Variants in C11orf54 observed in about 807,000 individuals in gnomAD.
The protein encoded by C11orf54 is beta-keto L-gulonate decarboxylase.
A neutral mutation model predicts 35.5 loss-of-function variants in C11orf54; 29 were observed. The ratio of observed to expected loss-of-function variants is 0.82; its 90% CI spans 0.61 to 1.11. The LOEUF (loss-of-function observed/expected upper bound fraction) is 1.11. C11orf54 is among the 50% of genes most tolerant of loss of function. C11orf54 has a pLI of 0.00. For synonymous variants in C11orf54, 108 were observed against 121.1 expected (o/e 0.89, Z 0.71); for missense variants, 373 against 369.2 (o/e 1.01, Z -0.08).
chr11:93,748,088 G>T (rs893783983), intron 2 of C11orf54, among the ~76,000 whole-genome samples: 3 of 152,076 alleles, frequency 2.0e-5, no homozygotes, highest in African/African-American at 7.2e-5. Flanking sequence ...TAGAACCTTC[G>T]CTTGTTTCTC....
intron 5 of C11orf54, chr11:93,754,727 T>C (rs1943036569): frequency 8.0e-6 from 1 of 124,640 alleles, no homozygotes; most frequent in Non-Finnish European, 1.6e-5. Flanking sequence ...CCAATAAATA[T>C]CTTTTTTTTT....
intron 5 of C11orf54, 38 bp from the exon 6 acceptor site, chr11:93,755,172 G>A: frequency 6.3e-7 from 1 of 1,577,686 alleles, no homozygotes; most frequent in Non-Finnish European, 8.7e-7. Flanking sequence ...TCTTTGCAGA[G>A]ATACAAAGAT....
In C11orf54 at chr11:93,747,346, C is replaced by G; in HGVS notation, c.-48C>G. The G allele has an allele frequency of 6.8e-7, 1 of 1,461,654 alleles. No individual in the cohort carries two copies. Among genetic ancestry groups the G allele is most frequent in the African/African-American group, 1.5e-5 (1 of 68,672 alleles). The allele number at this position is 1,461,654 out of a possible 1,614,324, so 90.5% of individuals were successfully genotyped here. A position where few individuals can be genotyped will look rare whatever the true frequency, so the allele number is the denominator to read the frequency against. On this transcript the variant is annotated 5_prime_UTR_variant, in exon 2 of 9. Transcript: ENST00000354421. ...CGCTGTGGACTCTTGTGATAATTAA[C>G]CAAGAGTAGCTCTATTTGTCCAACC...
intron 7 of C11orf54, among the ~76,000 whole-genome samples, chr11:93,758,823 C>T (rs1943305023): frequency 6.6e-6 from 1 of 152,244 alleles, no homozygotes; most frequent in Admixed American, 6.5e-5. Context: ...CAGACAGGTT[C>T]CGGGGCAGAA....
At chr11:93,757,947 T>TG (rs1196425614) in intron 7 of C11orf54, among the ~76,000 whole-genome samples, 1 of 152,252 alleles carries the variant, frequency 6.6e-6, no homozygotes, top group Non-Finnish European at 1.5e-5. Context: ...TAAATCAGAT[T>TG]GTAAGATAAT....
Position 93,759,811 on chromosome 11 carries a change from A to G in C11orf54, c.727A>G (p.Met243Val). ...EVNKWLHFYE[M>V]KAPLVCLPVF... ...GAATAAATGGTTGCATTTTTATGAA[A>G]TGAAAGCTCCTTTGGTTTGTCTACC... The change falls in exon 8 of 9, where the codon ATG (methionine) becomes GTG (valine). Residue 243 changes from methionine to valine, a missense_variant. Coordinates refer to ENST00000354421, the MANE Select transcript of C11orf54 (RefSeq NM_001286069.2). 6.2e-7 allele frequency: 1 copy of G among 1,611,020 alleles called. No homozygotes were observed. Among genetic ancestry groups the G allele is most frequent in the Admixed American group, 1.7e-5 (1 of 59,970 alleles).
chr11:93,751,780 G>A (rs930976308), intron 3 of C11orf54, among the ~76,000 whole-genome samples: 3 of 150,814 alleles, frequency 2.0e-5, no homozygotes, highest in Non-Finnish European at 4.4e-5. Flanking sequence ...ATAAAGGTCA[G>A]GAGACAGAAG....
intron 7 of C11orf54, 91 bp downstream of exon 7, chr11:93,757,556 TC>T: frequency 7.5e-7 from 1 of 1,338,660 alleles, no homozygotes; most frequent in Non-Finnish European, 1.0e-6. Flanking sequence ...TTTAAACGGA[TC>T]CTTGCTCTGT....
At chr11:93,752,410 A>G (rs1942886208) in intron 3 of C11orf54, among the ~76,000 whole-genome samples, 1 of 152,170 alleles carries the variant, frequency 6.6e-6, no homozygotes, top group South Asian at 2.1e-4. Context: ...TAAGATCACC[A>G]GTGACCTTAA....
intron 1 of C11orf54, among the ~76,000 whole-genome samples, chr11:93,743,534 T>A (rs1210906696): frequency 6.6e-6 from 1 of 152,136 alleles, no homozygotes; most frequent in Non-Finnish European, 1.5e-5. Flanking sequence ...CCTGCTGCGC[T>A]CCACCCTTTA....
At position 93,761,589 on chromosome 11, in the gene C11orf54, T is replaced by C. The variant is rs752274358; in HGVS notation, c.849T>C (p.Thr283=). The C allele has an allele frequency of 1.2e-5, 20 of 1,613,320 alleles. No individual in the cohort carries two copies. The highest frequency in any genetic ancestry group is 1.7e-5 in the Non-Finnish European group (20 of 1,179,660). ...HGEGGHYHYD[T]TPDIVEYLGY... ...AAGGTGGACACTACCATTATGACAC[T>C]ACTCCAGATATAGTGGAATATCTTG... The change falls in exon 9 of 9, where the codon ACT becomes ACC. Residue 283 remains threonine (T), a synonymous_variant. Transcript: ENST00000354421.
chr11:93,761,067 T>G (rs910066802), intron 8 of C11orf54, among the ~76,000 whole-genome samples: 1 of 152,196 alleles, frequency 6.6e-6, no homozygotes, highest in Non-Finnish European at 1.5e-5. Flanking sequence ...ATTGTTGTAG[T>G]AGCAAAAGAA....
At position 93,759,768 on chromosome 11, in the gene C11orf54, G is replaced by C. The variant is rs753321529; in HGVS notation, c.684G>C (p.Leu228Phe). Residue 228 changes from leucine to phenylalanine, a missense_variant, in exon 8 of 9, where the codon TTG becomes TTC. By Grantham distance (22) the Leu-to-Phe change is conservative. Coordinates refer to ENST00000354421, the MANE Select transcript of C11orf54 (RefSeq NM_001286069.2). Reference protein sequence around the residue: ...IMPAEFSSCPLNSDEEVNKWL... With the variant: ...IMPAEFSSCPFNSDEEVNKWL... ...CTGCAGAATTTTCTTCCTGCCCCTT[G>C]AACTCTGATGAAGAAGTGAATAAAT... 1 of 1,606,090 alleles carries C rather than the reference G, an allele frequency of 6.2e-7. No homozygotes were observed. Among genetic ancestry groups the C allele is most frequent in the Non-Finnish European group, 8.5e-7 (1 of 1,174,828 alleles).
chr11:93,749,504 CAAAAAAA>C (rs10624807), intron 2 of C11orf54, among the ~76,000 whole-genome samples: 3 of 71,740 alleles, frequency 4.2e-5, no homozygotes, highest in South Asian at 1.4e-3. Context: ...GACTCTGTCT[CAAAAAAA>C]AAAAAAAAAA....
At position 93,759,743 on chromosome 11, in the gene C11orf54, C is replaced by G; in HGVS notation, c.659C>G (p.Pro220Arg). ...QKGKVKSHIMPAEFSSCPLNS... is the reference protein window; with the variant it reads ...QKGKVKSHIMRAEFSSCPLNS... ...CTATGTAATTATCTTTTGTTGTAGC[C>G]TGCAGAATTTTCTTCCTGCCCCTTG... is the stretch of plus-strand genomic sequence containing the variant. The change falls in exon 8 of 9, where the codon CCT (proline) becomes CGT (arginine). Residue 220 changes from proline (P) to arginine (R), a missense_variant and splice_region_variant. By Grantham distance (103) the Pro-to-Arg change is moderately radical. Coordinates refer to ENST00000354421, the MANE Select transcript of C11orf54 (RefSeq NM_001286069.2). 1 of 1,577,034 alleles carries G rather than the reference C, an allele frequency of 6.3e-7. No individual in the cohort carries two copies. The highest frequency in any genetic ancestry group is 8.7e-7 in the Non-Finnish European group (1 of 1,152,368).
chr11:93,761,456 C>T, intron 8 of C11orf54, 59 bp from the exon 9 acceptor site: 2 of 1,436,340 alleles, frequency 1.4e-6, no homozygotes, highest in African/African-American at 1.4e-5. Flanking sequence ...AGTTATCCCT[C>T]CCCCTTAAAC....
At chr11:93,755,080 T>C (rs1045450525) in intron 5 of C11orf54, 130 bp from the exon 6 acceptor site, 7 of 936,754 alleles carry the variant, frequency 7.5e-6, no homozygotes, top group Non-Finnish European at 9.2e-6. Flanking sequence ...TTAAATATTA[T>C]GTATTTTATG....
At chr11:93,757,622 C>T (rs544058105) in intron 7 of C11orf54, among the ~76,000 whole-genome samples, 157 bp downstream of exon 7, 7 of 152,020 alleles carry the variant, frequency 4.6e-5, no homozygotes, top group Non-Finnish European at 8.8e-5. Flanking sequence ...CTCCATCTCC[C>T]GGATTCAAGG....
At chr11:93,757,620 C>T (rs576366392) in intron 7 of C11orf54, among the ~76,000 whole-genome samples, 155 bp downstream of exon 7, 43 of 152,176 alleles carry the variant, frequency 2.8e-4, no homozygotes, top group African/African-American at 1.0e-3. Flanking sequence ...ACCTCCATCT[C>T]CCGGATTCAA....
Sources: gnomAD v4.1 joint callset for allele counts (sites outside exome capture counted in the v4.1 genomes callset) on GRCh38, gnomAD v4.1.1 for gene constraint, MANE v1.5 for transcripts, NCBI Gene and HGNC (gene_info 2026-07-23, HGNC 2026-07-21) for gene names.